PXN: variants seen among roughly 807,000 people sequenced by gnomAD.
The protein encoded by PXN is testicular tissue protein Li 134.
PXN carries 61 observed loss-of-function variants against 103.6 expected under a neutral mutation model. The ratio of observed to expected loss-of-function variants is 0.59; its 90% CI spans 0.48 to 0.73. The LOEUF (loss-of-function observed/expected upper bound fraction) is 0.73, where lower values mean the gene tolerates loss of function less well. PXN is among the 30% of genes least tolerant of loss of function. The pLI, the probability that PXN is intolerant of heterozygous loss-of-function variation, is 0.00. For missense variants in PXN, 1,274 were observed against 1,460.3 expected (o/e 0.87, Z 2.08); for synonymous variants, 562 against 607.8 (o/e 0.92, Z 1.11).
intron 1 of PXN, among the ~76,000 whole-genome samples, chr12:120,244,564 C>T (rs1414853359): frequency 1.3e-5 from 2 of 151,212 alleles, no homozygotes; most frequent in Non-Finnish European, 1.5e-5. Context: ...AGGAGAATGG[C>T]GTGAACCCGG....
intron 1 of PXN, among the ~76,000 whole-genome samples, chr12:120,261,578 G>A (rs923324442): frequency 2.0e-5 from 3 of 152,032 alleles, no homozygotes; most frequent in Non-Finnish European, 4.4e-5. Flanking sequence ...AACATCTCTG[G>A]AGCGAGGTAA....
rs1220191833 is a variant in PXN, at chr12:120,214,214, C to T, written c.2752G>A (p.Val918Met). The stretch of plus-strand genomic sequence containing the variant: ...CACGTCCGGTCAAGGGCTGTCACCA[C>T]TTTCTGTGAAAGCAAAATGTGGGAT... ...YYCNGPILDK[V>M]VTALDRTWHP... Residue 918 changes from valine (V) to methionine (M), a missense_variant, in exon 13 of 15, where the codon GTG becomes ATG. Transcript: ENST00000637617. This position sits in a 1 kb window ranked among gnomAD's most constrained non-coding sequence, Gnocchi z 5.0. The T allele has an allele frequency of 1.3e-6, 2 of 1,551,712 alleles. No homozygotes were observed. The highest frequency in any genetic ancestry group is 1.7e-6 in the Non-Finnish European group (2 of 1,147,042).
At chr12:120,244,097 G>A (rs1151828) in intron 1 of PXN, among the ~76,000 whole-genome samples, 38 of 150,768 alleles carry the variant, frequency 2.5e-4, no homozygotes, top group African/African-American at 7.6e-4. Context: ...CCCGGTGAGG[G>A]AGAGCAACAC....
intron 1 of PXN, among the ~76,000 whole-genome samples, chr12:120,241,999 C>G (rs1013193278): frequency 6.6e-6 from 1 of 151,986 alleles, no homozygotes; most frequent in Admixed American, 6.6e-5. Flanking sequence ...TGCAGGATGC[C>G]TCCCATGTTT....
chr12:120,232,425 T>C (rs1888233831), intron 1 of PXN, among the ~76,000 whole-genome samples: 1 of 152,220 alleles, frequency 6.6e-6, no homozygotes, highest in Non-Finnish European at 1.5e-5. Flanking sequence ...ATTTCATTGG[T>C]CAGATGTCAT....
intron 1 of PXN, among the ~76,000 whole-genome samples, chr12:120,234,386 G>A (rs1176782459): frequency 6.6e-6 from 1 of 152,116 alleles, no homozygotes; most frequent in Non-Finnish European, 1.5e-5. Flanking sequence ...TCCAGCCTGG[G>A]CGACAGAGTA....
Position 120,221,037 on chromosome 12 carries a change from C to T in PXN, c.831+586G>A, listed in dbSNP as rs1884988469. 6.6e-6 allele frequency among the ~76,000 whole-genome samples: 1 copy of T among 152,138 alleles called. No homozygotes were observed. Among genetic ancestry groups the T allele is most frequent in the South Asian group, 2.1e-4 (1 of 4,828 alleles). ...CAGGGGAGGGGAAGGGCAGGTACCT[C>T]GTGCAAGCCTGGCCCCATGGTTTCC... On this transcript the variant is annotated intron_variant, in intron 6 of 14. Transcript: ENST00000637617. This position sits in a 1 kb window ranked among gnomAD's most constrained non-coding sequence, Gnocchi z 6.6.
At position 120,222,689 on chromosome 12, in the gene PXN, C is replaced by T. The variant is rs768986495; in HGVS notation, c.555G>A (p.Glu185=). 6.2e-6 allele frequency: 10 copies of T among 1,609,566 alleles called. No homozygotes were observed. The highest frequency in any genetic ancestry group is 7.6e-6 in the Non-Finnish European group (9 of 1,178,160). ...GALSPLYGVP[E]TNSPLGGKAG... ...CTTTGCCTCCCAAGGGGCTGTTAGT[C>T]TCTGGGACACCATAGAGGGGGCTCA... is the stretch of plus-strand genomic sequence containing the variant. The change falls in exon 5 of 15, where the codon GAG becomes GAA. Residue 185 remains glutamate (E), a synonymous_variant. Coordinates refer to ENST00000637617, the MANE Select transcript of PXN (RefSeq NM_001385981.1). This position sits in a 1 kb window ranked among gnomAD's most constrained non-coding sequence, Gnocchi z 4.7.
intron 1 of PXN, among the ~76,000 whole-genome samples, chr12:120,253,151 T>C (rs1003626564): frequency 6.6e-6 from 1 of 152,144 alleles, no homozygotes; most frequent in Non-Finnish European, 1.5e-5. Flanking sequence ...AGATTTCTGA[T>C]TTCTACCTTG....
chr12:120,246,784 G>C (rs1409491568), intron 1 of PXN, among the ~76,000 whole-genome samples: 1 of 151,586 alleles, frequency 6.6e-6, no homozygotes, highest in Non-Finnish European at 1.5e-5. Context: ...GAACCCGGGA[G>C]GCAGAGGTTG....
chr12:120,221,478 G>T lies in PXN; in HGVS notation c.831+145C>A. ...TCCCCATCTCCTGGCATCACAGCAA[G>T]GCCAGGGCATGACAGTGTCCCTGGC... On this transcript the variant is annotated intron_variant, in intron 6 of 14. Transcript: ENST00000637617. The surrounding 1 kb of genome is among the most constrained non-coding windows in gnomAD (Gnocchi z 6.6). The T allele has an allele frequency of 1.1e-6, 1 of 902,720 alleles. No individual in the cohort carries two copies. The allele number at this position is 902,720 out of a possible 1,614,324, so 55.9% of individuals were successfully genotyped here.
rs754024393 is a variant in PXN at position 120,211,956 on chromosome 12, C to A, written c.*358G>T. 1.8e-5 allele frequency: 10 copies of A among 559,072 alleles called. No individual in the cohort carries two copies. Among genetic ancestry groups the A allele is most frequent in the Admixed American group, 1.5e-4 (8 of 52,742 alleles). The allele number at this position is 559,072 out of a possible 1,614,324, so 34.6% of individuals were successfully genotyped here. The stretch of plus-strand genomic sequence containing the variant: ...CAGACCCTGCCTGCCCTTCCCTGCC[C>A]CCCGGCTGCACTGCTGAAATATGAG... On this transcript the variant is annotated 3_prime_UTR_variant, in exon 15 of 15. Coordinates refer to ENST00000637617, the MANE Select transcript of PXN (RefSeq NM_001385981.1).
intron 1 of PXN, among the ~76,000 whole-genome samples, chr12:120,237,180 C>G (rs988544454): frequency 2.7e-5 from 4 of 145,866 alleles, no homozygotes; most frequent in Non-Finnish European, 6.0e-5. Flanking sequence ...CACACACACA[C>G]AGAATCTCAC....
At chr12:120,251,956 G>A (rs1008628915) in intron 1 of PXN, among the ~76,000 whole-genome samples, 3 of 152,144 alleles carry the variant, frequency 2.0e-5, no homozygotes, top group Admixed American at 6.5e-5. Flanking sequence ...AAAGTATTTC[G>A]GGAAAGTATG....
chr12:120,251,302 G>C (rs1224916707), intron 1 of PXN, among the ~76,000 whole-genome samples: 2 of 151,542 alleles, frequency 1.3e-5, no homozygotes, highest in African/African-American at 2.4e-5. Context: ...TGGATCACTT[G>C]AGGTCAGGAG....
intron 1 of PXN, among the ~76,000 whole-genome samples, chr12:120,242,191 A>G (rs1335484163): frequency 6.6e-6 from 1 of 152,150 alleles, no homozygotes; most frequent in Non-Finnish European, 1.5e-5. Context: ...ACAGTTTGTT[A>G]AATTATATGG....
Position 120,221,472 on chromosome 12 carries a change from C to T in PXN, c.831+151G>A, listed in dbSNP as rs1388494234. On this transcript the variant is annotated intron_variant, in intron 6 of 14. Coordinates refer to ENST00000637617, the MANE Select transcript of PXN (RefSeq NM_001385981.1). The surrounding 1 kb of genome is among the most constrained non-coding windows in gnomAD (Gnocchi z 6.6). Reference sequence around the variant, plus strand: ...CCTCCCTCCCCATCTCCTGGCATCACAGCAAGGCCAGGGCATGACAGTGTC... The same window carrying T: ...CCTCCCTCCCCATCTCCTGGCATCATAGCAAGGCCAGGGCATGACAGTGTC... The T allele has an allele frequency of 2.3e-6, 2 of 870,362 alleles. No individual in the cohort carries two copies. The highest frequency in any genetic ancestry group is 3.4e-6 in the Non-Finnish European group (2 of 594,780). The allele number at this position is 870,362 out of a possible 1,614,324, so 53.9% of individuals were successfully genotyped here.
intron 1 of PXN, among the ~76,000 whole-genome samples, chr12:120,234,917 G>T (rs1181434036): frequency 6.6e-6 from 1 of 152,170 alleles, no homozygotes; most frequent in African/African-American, 2.4e-5. Context: ...TGCAGCCAGG[G>T]ATCCTGGGAG....
rs940000805 is a variant in PXN at position 120,215,840 on chromosome 12, G to C, written c.2302-179C>G. ...AAAAGAGCCCTGAGAGAGAGGCCTA[G>C]GGAGAAAGGAAGAAGGACAGGGAGG... is the stretch of plus-strand genomic sequence containing the variant. On this transcript the variant is annotated intron_variant, in intron 9 of 14. Coordinates refer to ENST00000637617, the MANE Select transcript of PXN (RefSeq NM_001385981.1). This position sits in a 1 kb window ranked among gnomAD's most constrained non-coding sequence, Gnocchi z 4.9. 6 of 1,305,002 alleles carry C rather than the reference G, an allele frequency of 4.6e-6. No individual in the cohort carries two copies. Among genetic ancestry groups the C allele is most frequent in the Non-Finnish European group, 5.1e-6 (5 of 990,022 alleles). 80.8% of individuals were successfully genotyped at this position (1,305,002 alleles called of 1,614,324 possible).
Sources: gnomAD v4.1 joint callset for allele counts (sites outside exome capture counted in the v4.1 genomes callset) on GRCh38, gnomAD v4.1.1 for gene constraint, Gnocchi (gnomAD v3.1) non-coding constraint, MANE v1.5 for transcripts, NCBI Gene and HGNC (gene_info 2026-07-23, HGNC 2026-07-21) for gene names.